SDK1: variants seen among roughly 807,000 people sequenced by gnomAD.
SDK1 encodes protein sidekick-1.
In SDK1, 157 loss-of-function variants were observed where a neutral mutation model predicts 245.5. The observed-to-expected ratio is 0.64, with a 90% CI of 0.56 to 0.73. The LOEUF (loss-of-function observed/expected upper bound fraction) is 0.73, where lower values mean the gene tolerates loss of function less well. Ranked by LOEUF, SDK1 falls within the 30% of genes least tolerant of loss-of-function variation. SDK1 has a pLI of 0.00. For synonymous variants in SDK1, 1,647 were observed against 1,278.5 expected, an observed-to-expected ratio of 1.29 and a Z score of -6.15; for missense variants, 3,583 against 3,002.3, an observed-to-expected ratio of 1.19 and a Z score of -4.52.
chr7:3,506,432 A>G (rs1423439404), intron 1 of SDK1, among the ~76,000 whole-genome samples: 1 of 151,742 alleles, frequency 6.6e-6, no homozygotes, highest in Non-Finnish European at 1.5e-5. Flanking sequence ...TTTCTTTGTT[A>G]TTATTCTCTT....
chr7:4,117,722 T>C (rs750486889), intron 25 of SDK1, among the ~76,000 whole-genome samples: 1 of 152,080 alleles, frequency 6.6e-6, no homozygotes, highest in Non-Finnish European at 1.5e-5. Flanking sequence ...ACGCATCCAG[T>C]GTGTCTGCAG....
At chr7:3,926,998 C>T (rs1379831414) in intron 5 of SDK1, among the ~76,000 whole-genome samples, 2 of 152,132 alleles carry the variant, frequency 1.3e-5, no homozygotes, top group South Asian at 2.1e-4. Flanking sequence ...CTTGGGGGCC[C>T]GTCAATGCCT....
intron 44 of SDK1, among the ~76,000 whole-genome samples, chr7:4,248,054 C>T (rs1172560040): frequency 6.6e-6 from 1 of 152,152 alleles, no homozygotes; most frequent in African/African-American, 2.4e-5. Context: ...CTCCCCCCAA[C>T]ATATGTGGCG....
rs1368864376 is a variant in SDK1, at chr7:4,147,167, T to A, written c.4423+1251T>A. Among the ~76,000 whole-genome samples the A allele has an allele frequency of 2.6e-5, 4 of 152,310 alleles. No individual in the cohort carries two copies. In the East Asian group the frequency reaches 7.7e-4, roughly 29 times the overall value. ...CAGGGATACTTGGAGCACACAGTTC[T>A]GGCCACGCTCCTATTTTTGTTTTTT... On this transcript the variant is annotated intron_variant, in intron 29 of 44. Transcript: ENST00000404826.
At chr7:3,815,509 A>C (rs1354367456) in intron 4 of SDK1, among the ~76,000 whole-genome samples, 1 of 149,264 alleles carries the variant, frequency 6.7e-6, no homozygotes, top group Non-Finnish European at 1.5e-5. Context: ...TGCTGGATTC[A>C]GTTTGCCAGT....
rs1788552932 is a variant in SDK1 at position 4,267,665 on chromosome 7, G to A, written c.*2281G>A. ...TACATGCCAGGGAGAGTGTTGAGAC[G>A]TCTTAGGTTGAGGATGAGCAGATTC... On this transcript the variant is annotated 3_prime_UTR_variant, in exon 45 of 45. Transcript: ENST00000404826. 1.1e-5 allele frequency: 11 copies of A among 985,474 alleles called. No individual in the cohort carries two copies. Among genetic ancestry groups the A allele is most frequent in the East Asian group, 1.1e-4 (1 of 8,806 alleles). The allele number at this position is 985,474 out of a possible 1,614,324, so 61.0% of individuals were successfully genotyped here. A position where few individuals can be genotyped will look rare whatever the true frequency, so the allele number is the denominator to read the frequency against.
intron 5 of SDK1, among the ~76,000 whole-genome samples, chr7:3,938,851 T>A (rs1174410627): frequency 6.6e-6 from 1 of 152,184 alleles, no homozygotes; most frequent in Non-Finnish European, 1.5e-5. Flanking sequence ...TTTATCACCT[T>A]CGTTTTTCTC....
chr7:3,888,322 T>TCTGGCCCACAGC (rs1388205586), intron 5 of SDK1, among the ~76,000 whole-genome samples: 1 of 152,142 alleles, frequency 6.6e-6, no homozygotes, highest in Non-Finnish European at 1.5e-5. Flanking sequence ...CATCCCACAG[T>TCTGGCCCACAGC]CTGGCCCACA....
intron 5 of SDK1, among the ~76,000 whole-genome samples, chr7:3,834,745 A>G (rs1779992589): frequency 6.6e-6 from 1 of 152,076 alleles, no homozygotes; most frequent in East Asian, 1.9e-4. Context: ...GAGGATAGGG[A>G]TTTTTGCTTA....
At chr7:4,227,781 G>T (rs1785528419) in intron 40 of SDK1, among the ~76,000 whole-genome samples, 1 of 152,208 alleles carries the variant, frequency 6.6e-6, no homozygotes, top group Non-Finnish European at 1.5e-5. Flanking sequence ...CAGACCCTTC[G>T]ACGTGCTGCG....
chr7:3,383,220 G>C (rs1295207820), intron 1 of SDK1, among the ~76,000 whole-genome samples: 1 of 152,142 alleles, frequency 6.6e-6, no homozygotes, highest in African/African-American at 2.4e-5. Context: ...AGACCAGCCT[G>C]GGCAATAGTG....
At chr7:4,149,164 C>A in intron 29 of SDK1, 98 bp from the exon 30 acceptor site, 1 of 973,622 alleles carries the variant, frequency 1.0e-6, no homozygotes. Context: ...CTCTCATGGG[C>A]AAGCAGTCAG....
At chr7:3,887,700 A>G (rs1458511999) in intron 5 of SDK1, among the ~76,000 whole-genome samples, 6 of 152,228 alleles carry the variant, frequency 3.9e-5, no homozygotes, top group Admixed American at 6.5e-5. Flanking sequence ...GTTCTACATC[A>G]TATGAGTTTG....
intron 30 of SDK1, among the ~76,000 whole-genome samples, chr7:4,155,953 C>G (rs112319386): frequency 0.011 from 1,633 of 152,282 alleles, 37 homozygotes; most frequent in African/African-American, 0.036. Context: ...GCAGGCAGGG[C>G]CATCTGAGCA....
chr7:4,251,476 CG>C (rs1787291768), intron 44 of SDK1, among the ~76,000 whole-genome samples: 1 of 152,186 alleles, frequency 6.6e-6, no homozygotes, highest in Non-Finnish European at 1.5e-5. Flanking sequence ...TTGTCTACCA[CG>C]GCTTTACCAT....
At chr7:4,121,269 T>C (rs778243062) in intron 25 of SDK1, among the ~76,000 whole-genome samples, 19 of 152,104 alleles carry the variant, frequency 1.2e-4, no homozygotes, top group Non-Finnish European at 2.2e-4. Flanking sequence ...GATTGTAGCA[T>C]GTATGGTGAT....
intron 5 of SDK1, among the ~76,000 whole-genome samples, chr7:3,894,466 C>A (rs558452590): frequency 6.6e-6 from 1 of 152,078 alleles, no homozygotes; most frequent in South Asian, 2.1e-4. Context: ...AGTGGGCTTT[C>A]CTTCTTAGAA....
chr7:3,409,382 A>G (rs1779139789), intron 1 of SDK1, among the ~76,000 whole-genome samples: 1 of 151,086 alleles, frequency 6.6e-6, no homozygotes, highest in African/African-American at 2.4e-5. Context: ...CTGATCACAT[A>G]CTTACTGCTG....
intron 1 of SDK1, among the ~76,000 whole-genome samples, chr7:3,618,658 C>T (rs1187550186): frequency 2.0e-5 from 3 of 152,168 alleles, no homozygotes; most frequent in Admixed American, 2.0e-4. Context: ...GTCAATCTTG[C>T]TTATCTTACT....
Sources: allele counts gnomAD v4.1 joint callset (sites outside exome capture counted in the v4.1 genomes callset), GRCh38; gene constraint gnomAD v4.1.1; transcripts MANE v1.5; gene names NCBI Gene and HGNC (gene_info 2026-07-23, HGNC 2026-07-21).